The following CSMD1 variants were observed in gnomAD, a reference collection of about 807,000 sequenced individuals.
CSMD1 encodes the protein CUB and sushi domain-containing protein 1.
A neutral mutation model predicts 417.5 loss-of-function variants in CSMD1; 213 were observed. That is an observed-to-expected ratio of 0.51 (90% CI 0.46 to 0.57). The LOEUF is 0.57. CSMD1 is among the 20% of genes least tolerant of loss of function. The probability of loss-of-function intolerance (pLI) is 0.00; values close to 1 mark genes in which losing one functional copy is unlikely to be tolerated. For synonymous variants in CSMD1, 2,862 were observed against 1,736.8 expected, an observed-to-expected ratio of 1.65 and a Z score of -16.11; for missense variants, 6,923 against 4,529.7, an observed-to-expected ratio of 1.53 and a Z score of -15.17.
chr8:4,744,701 C>A (rs1810839648), intron 1 of CSMD1, among the ~76,000 whole-genome samples: 1 of 152,108 alleles, frequency 6.6e-6, no homozygotes, highest in Non-Finnish European at 1.5e-5. Flanking sequence ...TTACATAATG[C>A]TTTTCTCAGG....
intron 2 of CSMD1, among the ~76,000 whole-genome samples, chr8:4,634,279 A>C (rs1383398125): frequency 2.0e-5 from 3 of 152,194 alleles, no homozygotes; most frequent in Admixed American, 2.0e-4. Context: ...ATAATACTAT[A>C]TTTCTGACTA....
At position 3,173,490 on chromosome 8, in the gene CSMD1, T is replaced by C. The variant is rs186531288; in HGVS notation, c.5725+7620A>G. 1.9e-4 allele frequency among the ~76,000 whole-genome samples: 29 copies of C among 152,308 alleles called. 1 individual carries two copies. Among genetic ancestry groups the C allele is most frequent in the African/African-American group, 6.3e-4 (26 of 41,572 alleles). ...CATTGTTTGTGGCCAAACTGTGAAG[T>C]TGAAGGTGGGTCTTAGGAAAATTTT... On this transcript the variant is annotated intron_variant, in intron 37 of 69. Transcript: ENST00000635120.
chr8:3,521,796 T>G (rs546714796), intron 10 of CSMD1, among the ~76,000 whole-genome samples: 17 of 152,336 alleles, frequency 1.1e-4, no homozygotes, highest in African/African-American at 4.1e-4. Flanking sequence ...TGACAAAGAA[T>G]GGATTCTCTG....
chr8:4,325,759 C>A (rs1468974680), intron 3 of CSMD1, among the ~76,000 whole-genome samples: 2 of 152,100 alleles, frequency 1.3e-5, no homozygotes, highest in Non-Finnish European at 2.9e-5. Context: ...ATTCCTGTTG[C>A]ACCCCTCTCC....
rs111972127 is a variant in CSMD1, at chr8:3,309,318, G to A, written c.3632-815C>T. 3.1e-3 allele frequency among the ~76,000 whole-genome samples: 452 copies of A among 146,294 alleles called. 2 individuals carry two copies. Among genetic ancestry groups the A allele is most frequent in the Non-Finnish European group, 5.7e-3 (382 of 66,448 alleles). ...CAAACTCCAAGATGTCAACTTCATGGGAAAAGAAAAAAAAACTGGCGCTCC... is the reference window on the plus strand; with the variant it reads ...CAAACTCCAAGATGTCAACTTCATGAGAAAAGAAAAAAAAACTGGCGCTCC... On this transcript the variant is annotated intron_variant, in intron 23 of 69. Transcript: ENST00000635120.
At position 3,006,391 on chromosome 8, in the gene CSMD1, A is replaced by G. The variant is rs879764144; in HGVS notation, c.8030-6260T>C. Among the ~76,000 whole-genome samples the G allele has an allele frequency of 4.9e-3, 734 of 149,744 alleles. 1 individual carries two copies. Among genetic ancestry groups the G allele is most frequent in the Non-Finnish European group, 8.7e-3 (585 of 66,904 alleles). On this transcript the variant is annotated intron_variant, in intron 52 of 69. Transcript: ENST00000635120. The stretch of plus-strand genomic sequence containing the variant: ...CAATGCCATCCCCATCAAGCTACCA[A>G]TGACTTTCTTCACAGAATTGGAAAA...
intron 7 of CSMD1, among the ~76,000 whole-genome samples, chr8:3,690,733 A>G (rs1800192406): frequency 6.6e-6 from 1 of 152,340 alleles, no homozygotes; most frequent in East Asian, 1.9e-4. Context: ...CACAGTTTGT[A>G]CTGAGATACT....
intron 25 of CSMD1, among the ~76,000 whole-genome samples, chr8:3,300,386 A>T (rs897226585): frequency 3.9e-5 from 6 of 152,012 alleles, no homozygotes; most frequent in African/African-American, 7.2e-5. Flanking sequence ...GCACTTTATT[A>T]TTTTAAAATT....
At chr8:4,056,804 T>G (rs889790448) in intron 3 of CSMD1, among the ~76,000 whole-genome samples, 11 of 152,074 alleles carry the variant, frequency 7.2e-5, no homozygotes, top group African/African-American at 2.2e-4. Flanking sequence ...TTTGTCCTTG[T>G]GATAGTTTAC....
chr8:4,467,200 T>C (rs934690321), intron 2 of CSMD1, among the ~76,000 whole-genome samples: 16 of 151,892 alleles, frequency 1.1e-4, no homozygotes, highest in African/African-American at 3.4e-4. Context: ...TCAAAGTCCT[T>C]AACAGTTTCC....
chr8:3,673,430 G>A (rs1471463763), intron 7 of CSMD1, among the ~76,000 whole-genome samples: 3 of 152,108 alleles, frequency 2.0e-5, no homozygotes, highest in Non-Finnish European at 4.4e-5. Context: ...AACTCCCCTT[G>A]GTCTCTGGGT....
chr8:4,557,019 T>C (rs1026827728), intron 2 of CSMD1, among the ~76,000 whole-genome samples: 12 of 152,200 alleles, frequency 7.9e-5, no homozygotes, highest in Non-Finnish European at 1.8e-4. Flanking sequence ...TTAAGCAACA[T>C]TTTTCAAGTG....
Position 2,949,290 on chromosome 8 carries a change from G to T in CSMD1, c.10402+9C>A. On this transcript the variant is annotated intron_variant, in intron 68 of 69. Transcript: ENST00000635120. ...ATTTGCTTTAAAATATATCCTAAGT[G>T]CAACTTACCTTGCCTTTCTAGCTTA... The T allele has an allele frequency of 6.6e-7, 1 of 1,503,822 alleles. No homozygotes were observed. The allele number at this position is 1,503,822 out of a possible 1,614,324, so 93.2% of individuals were successfully genotyped here.
At position 2,938,689 on chromosome 8, in the gene CSMD1, G is replaced by A; in HGVS notation, c.10591C>T (p.Gln3531Ter). 6.2e-7 allele frequency: 1 copy of A among 1,611,814 alleles called. No homozygotes were observed. The highest frequency in any genetic ancestry group is 8.5e-7 in the Non-Finnish European group (1 of 1,178,842). ...GYAGHENSNG[Q>*]ASFENPMYDT... ...TACATGGGGTTTTCAAACGATGCTT[G>A]TCCATTGCTGTTTTCATGCCCAGCA... Residue 3531 changes from glutamine to a stop codon, truncating the protein, a stop_gained, in exon 70 of 70, where the codon CAA becomes TAA. Transcript: ENST00000635120. LOFTEE classifies it high-confidence loss of function.
intron 3 of CSMD1, among the ~76,000 whole-genome samples, chr8:4,238,857 C>G (rs934702147): frequency 6.6e-6 from 1 of 152,092 alleles, no homozygotes; most frequent in African/African-American, 2.4e-5. Flanking sequence ...TTTTAAAAAT[C>G]GATAGCAAAT....
At chr8:3,888,754 G>A (rs763104363) in intron 5 of CSMD1, among the ~76,000 whole-genome samples, 8 of 152,084 alleles carry the variant, frequency 5.3e-5, no homozygotes, top group Admixed American at 6.6e-5. Flanking sequence ...ACAACAAACC[G>A]ACCTTCCAAA....
Position 3,868,521 on chromosome 8 carries a change from A to T in CSMD1, c.819-114479T>A, listed in dbSNP as rs189450462. Among the ~76,000 whole-genome samples, 19 of 152,100 alleles carry T rather than the reference A, an allele frequency of 1.2e-4. No individual in the cohort carries two copies. The East Asian group carries it at 3.7e-3, about 30-fold the overall frequency. On this transcript the variant is annotated intron_variant, in intron 5 of 69. Transcript: ENST00000635120. ...CAAAGAACACTTACCAACACCACCA[A>T]TTCCCAAATGCGTACCTGCAGCCTG...
At chr8:4,008,429 G>C (rs1816296255) in intron 4 of CSMD1, among the ~76,000 whole-genome samples, 1 of 150,706 alleles carries the variant, frequency 6.6e-6, no homozygotes, top group African/African-American at 2.4e-5. Flanking sequence ...TTTTTATTTG[G>C]AATCTGAAAT....
intron 3 of CSMD1, among the ~76,000 whole-genome samples, chr8:4,070,507 G>A (rs372570267): frequency 9.9e-5 from 15 of 151,994 alleles, no homozygotes; most frequent in East Asian, 7.7e-4. Flanking sequence ...ACAGGCGCCC[G>A]CCACCACGGC....
Sources: allele counts gnomAD v4.1 joint callset (sites outside exome capture counted in the v4.1 genomes callset), GRCh38; gene constraint gnomAD v4.1.1; transcripts MANE v1.5; gene names NCBI Gene and HGNC (gene_info 2026-07-23, HGNC 2026-07-21).